ABI2: variants seen among roughly 807,000 people sequenced by gnomAD.
ABI2 encodes abelson interactor 2.
In ABI2, 25 loss-of-function variants were observed where a neutral mutation model predicts 59.2. The observed-to-expected ratio is 0.42, with a 90% CI of 0.31 to 0.59. The LOEUF is 0.59. Ranked by LOEUF, ABI2 falls within the 20% of genes least tolerant of loss-of-function variation. The pLI is 0.14. For synonymous variants in ABI2, 213 were observed against 235.5 expected (o/e 0.90, Z 0.87); for missense variants, 545 against 681.8 (o/e 0.80, Z 2.23).
intron 3 of ABI2, among the ~76,000 whole-genome samples, chr2:203,381,701 C>T (rs2096139747): frequency 6.6e-6 from 1 of 152,160 alleles, no homozygotes; most frequent in Non-Finnish European, 1.5e-5. Flanking sequence ...TCAAGGCTAA[C>T]AACTGCTAAT....
intron 1 of ABI2, among the ~76,000 whole-genome samples, chr2:203,362,082 A>G (rs2152922624): frequency 6.6e-6 from 1 of 152,316 alleles, no homozygotes; most frequent in Non-Finnish European, 1.5e-5. Flanking sequence ...TTTCTAGTTT[A>G]TTTGTATGCT....
In ABI2 at chr2:203,428,999, T is replaced by G. The variant is rs2153622047; in HGVS notation, c.*1647T>G. 6.6e-6 allele frequency: 1 copy of G among 152,324 alleles called. No individual in the cohort carries two copies. Among genetic ancestry groups the G allele is most frequent in the African/African-American group, 2.4e-5 (1 of 41,576 alleles). The allele number at this position is 152,324 out of a possible 1,614,324, so 9.4% of individuals were successfully genotyped here. The stretch of plus-strand genomic sequence containing the variant: ...ATTCAGATGGTGTCGGATGCAGAAG[T>G]TAATATTCCACTTAATGTTATCTGA... On this transcript the variant is annotated 3_prime_UTR_variant, in exon 12 of 12. Coordinates refer to ENST00000261018, the MANE Select transcript of ABI2 (RefSeq NM_001375670.1).
chr2:203,388,387 T>G (rs1292150567), intron 4 of ABI2, among the ~76,000 whole-genome samples: 2 of 152,084 alleles, frequency 1.3e-5, no homozygotes, highest in Non-Finnish European at 2.9e-5. Context: ...CCAAGTTATA[T>G]TCATAGAAAT....
Position 203,384,275 on chromosome 2 carries a change from C to CTTGTTTTTGTTT in ABI2, c.480+2078_480+2089dup, listed in dbSNP as rs71906750. Among the ~76,000 whole-genome samples the CTTGTTTTTGTTT allele has an allele frequency of 3.1e-3, 241 of 78,864 alleles. 7 individuals are homozygous for CTTGTTTTTGTTT. The highest frequency in any genetic ancestry group is 0.011 in the African/African-American group (198 of 17,910). 51.7% of individuals were successfully genotyped at this position (78,864 alleles called of 152,430 possible). A position where few individuals can be genotyped will look rare whatever the true frequency, so the allele number is the denominator to read the frequency against. On this transcript the variant is annotated intron_variant, in intron 4 of 11. Coordinates refer to ENST00000261018, the MANE Select transcript of ABI2 (RefSeq NM_001375670.1). Reference sequence around the variant, plus strand: ...CTTGAACTGGTTCCTGTTCCATACTCTTGTTTTTGTTTTTGTTTTTTTTTT... The same window carrying CTTGTTTTTGTTT: ...CTTGAACTGGTTCCTGTTCCATACTCTTGTTTTTGTTTTTGTTTTTGTTTTTGTTTTTTTTTT...
intron 4 of ABI2, chr2:203,386,572 CTA>C: frequency 3.1e-6 from 1 of 324,078 alleles, no homozygotes; most frequent in Non-Finnish European, 4.3e-6. Flanking sequence ...AGGTTTTTCT[CTA>C]TGAAACATTC....
intron 1 of ABI2, among the ~76,000 whole-genome samples, chr2:203,338,983 A>AATATATATATATATATAT (rs1212962939): frequency 3.2e-4 from 4 of 12,338 alleles, no homozygotes; most frequent in Admixed American, 1.1e-3. Flanking sequence ...TATATATATA[A>AATATATATATATATATAT]ATATATATAT....
Position 203,391,052 on chromosome 2 carries a change from A to G in ABI2, c.487A>G (p.Thr163Ala). 3.7e-6 allele frequency: 6 copies of G among 1,613,612 alleles called. No homozygotes were observed. Among genetic ancestry groups the G allele is most frequent in the Non-Finnish European group, 5.1e-6 (6 of 1,179,758 alleles). Residue 163 changes from threonine (T) to alanine (A), a missense_variant, in exon 5 of 12, where the codon ACC becomes GCC. Physicochemically the swap from Thr to Ala is moderately conservative, Grantham distance 58 (BLOSUM62 0). This residue lies in a region of ABI2 where 410 missense variants were observed against 435.6 expected (regional missense o/e 0.94). Coordinates refer to ENST00000261018, the MANE Select transcript of ABI2 (RefSeq NM_001375670.1). The stretch of plus-strand genomic sequence containing the variant: ...TTTCCTTAAAATTTTTTAGGTGAGT[A>G]CCCAGAACATGAAGATGGGTGGGCT... ...VKWLLRFKVS[T>A]QNMKMGGLPR...
intron 6 of ABI2, 99 bp from the exon 7 acceptor site, chr2:203,395,557 C>A: frequency 7.6e-7 from 1 of 1,321,366 alleles, no homozygotes; most frequent in Non-Finnish European, 1.0e-6. Flanking sequence ...TTTGAATTAC[C>A]TTTATTGTAG....
intron 1 of ABI2, among the ~76,000 whole-genome samples, chr2:203,358,015 G>A (rs1287105917): frequency 2.6e-5 from 4 of 151,398 alleles, no homozygotes; most frequent in Admixed American, 6.6e-5. Flanking sequence ...TGATCCATCC[G>A]CCTCAGCCTC....
intron 6 of ABI2, chr2:203,395,057 G>T (rs771996993): frequency 8.5e-5 from 61 of 720,716 alleles, no homozygotes; most frequent in South Asian, 6.6e-4. Flanking sequence ...TCAAAGTGCA[G>T]ACTTCTCTCC....
At chr2:203,350,891 T>TGG (rs1217974142) in intron 1 of ABI2, among the ~76,000 whole-genome samples, 3 of 124,194 alleles carry the variant, frequency 2.4e-5, no homozygotes, top group Non-Finnish European at 3.4e-5. Context: ...TGTGTGTGTG[T>TGG]GCGCGCGCGC....
intron 9 of ABI2, among the ~76,000 whole-genome samples, chr2:203,409,975 T>G: frequency 6.6e-6 from 1 of 152,268 alleles, no homozygotes; most frequent in African/African-American, 2.4e-5. Context: ...ATTTCTGGGT[T>G]TTTTACTTTC....
intron 4 of ABI2, among the ~76,000 whole-genome samples, chr2:203,385,416 C>T (rs1405551732): frequency 6.6e-6 from 1 of 152,126 alleles, no homozygotes; most frequent in African/African-American, 2.4e-5. Flanking sequence ...CAGGCGTGAG[C>T]CACCGTGCCC....
At chr2:203,366,783 C>G in intron 1 of ABI2, 94 bp from the exon 2 acceptor site, 2 of 1,270,702 alleles carry the variant, frequency 1.6e-6, no homozygotes, top group Admixed American at 2.8e-5. Context: ...CTGGTGGACT[C>G]AGCAGAATCG....
intron 5 of ABI2, chr2:203,394,234 G>C (rs1410924450): frequency 1.9e-5 from 3 of 154,624 alleles, no homozygotes; most frequent in Admixed American, 1.9e-4. Flanking sequence ...GGCTAGTATT[G>C]ATCATCAGTG....
chr2:203,422,647 C>T (rs2098267546), intron 11 of ABI2, among the ~76,000 whole-genome samples: 2 of 152,108 alleles, frequency 1.3e-5, no homozygotes, highest in East Asian at 3.9e-4. Flanking sequence ...CCAAACACTA[C>T]AGGAACATTA....
rs1559289040 is a variant in ABI2, at chr2:203,384,295, T to TGTTTTTGTTTTTTTTTG, written c.480+2089_480+2090insGTTTTTGTTTTTTTTTG. Among the ~76,000 whole-genome samples, 117 of 87,936 alleles carry TGTTTTTGTTTTTTTTTG rather than the reference T, an allele frequency of 1.3e-3. 6 individuals are homozygous for TGTTTTTGTTTTTTTTTG. Among genetic ancestry groups the TGTTTTTGTTTTTTTTTG allele is most frequent in the African/African-American group, 3.3e-3 (92 of 27,588 alleles). The allele number at this position is 87,936 out of a possible 152,430, so 57.7% of individuals were successfully genotyped here. A position where few individuals can be genotyped will look rare whatever the true frequency, so the allele number is the denominator to read the frequency against. On this transcript the variant is annotated intron_variant, in intron 4 of 11. Coordinates refer to ENST00000261018, the MANE Select transcript of ABI2 (RefSeq NM_001375670.1). ...ATACTCTTGTTTTTGTTTTTGTTTTTTTTTTTTTTTTTTTTTTTTTTTTTT... is the reference window on the plus strand; with the variant it reads ...ATACTCTTGTTTTTGTTTTTGTTTTTGTTTTTGTTTTTTTTTGTTTTTTTTTTTTTTTTTTTTTTTTT...
chr2:203,396,145 T>C (rs945131901), intron 7 of ABI2, among the ~76,000 whole-genome samples: 1 of 152,226 alleles, frequency 6.6e-6, no homozygotes, highest in Non-Finnish European at 1.5e-5. Flanking sequence ...AAAGTAGTTT[T>C]GACAGTTAAA....
At chr2:203,360,637 T>C (rs1357897592) in intron 1 of ABI2, among the ~76,000 whole-genome samples, 1 of 152,226 alleles carries the variant, frequency 6.6e-6, no homozygotes, top group Non-Finnish European at 1.5e-5. Flanking sequence ...TGATTCAGGC[T>C]AGTAAGTGAC....
Sources: allele counts gnomAD v4.1 joint callset (sites outside exome capture counted in the v4.1 genomes callset), GRCh38; gene constraint gnomAD v4.1.1; regional missense constraint gnomAD v4.1.1; transcripts MANE v1.5; gene names NCBI Gene and HGNC (gene_info 2026-07-23, HGNC 2026-07-21).